MED13L: variants seen among roughly 807,000 people sequenced by gnomAD.
MED13L encodes the protein mediator complex subunit 13L.
MED13L carries 7 observed loss-of-function variants against 220.9 expected under a neutral mutation model. The ratio of observed to expected loss-of-function variants is 0.03; its 90% confidence interval spans 0.02 to 0.06. The LOEUF is 0.06. MED13L is among the 10% of genes least tolerant of loss of function. The probability of loss-of-function intolerance (pLI) is 1.00; values close to 1 mark genes in which losing one functional copy is unlikely to be tolerated. For missense variants in MED13L, 1,965 were observed against 2,760.5 expected (o/e 0.71, Z 6.46); for synonymous variants, 1,011 against 1,015.2 (o/e 1.00, Z 0.08).
In MED13L at chr12:116,277,625, CA is replaced by C. The variant is rs1873996942; in HGVS notation, c.-495del. 2.0e-5 allele frequency among the ~76,000 whole-genome samples: 3 copies of C among 149,544 alleles called. No homozygotes were observed. Among genetic ancestry groups the C allele is most frequent in the African/African-American group, 7.3e-5 (3 of 41,146 alleles). On this transcript the variant is annotated 5_prime_UTR_variant, in exon 1 of 31. Transcript: ENST00000281928. The stretch of plus-strand genomic sequence containing the variant: ...CGTCCCCTCCTTCCTCTTCCTCCCC[CA>C]CCCCCCCCTCCTCCCCAGTCAGCCT...
chr12:116,111,627 T>C, intron 2 of MED13L, 115 bp from the exon 3 acceptor site: 2 of 756,490 alleles, frequency 2.6e-6, no homozygotes, highest in Non-Finnish European at 4.3e-6. Context: ...TTAAATGACT[T>C]AAATAATCTC....
chr12:116,271,672 G>T (rs928653816), intron 1 of MED13L, among the ~76,000 whole-genome samples: 1 of 151,632 alleles, frequency 6.6e-6, no homozygotes, highest in Non-Finnish European at 1.5e-5. Flanking sequence ...AAATTCTGGT[G>T]GCCAACATCA....
chr12:115,967,926 T>C (rs1474435367), intron 28 of MED13L, among the ~76,000 whole-genome samples: 1 of 151,948 alleles, frequency 6.6e-6, no homozygotes, highest in Non-Finnish European at 1.5e-5. Context: ...AAGAGGGTAA[T>C]AGGGGCAGGT....
intron 2 of MED13L, among the ~76,000 whole-genome samples, chr12:116,187,617 G>A (rs1385833978): frequency 1.3e-5 from 2 of 152,120 alleles, no homozygotes; most frequent in South Asian, 2.1e-4. Flanking sequence ...ATGTACAAGA[G>A]TATATCCTAA....
In MED13L at chr12:116,008,602, T is replaced by C; in HGVS notation, c.1811A>G (p.Gln604Arg). 1 of 1,614,090 alleles carries C rather than the reference T, an allele frequency of 6.2e-7. No homozygotes were observed. Among genetic ancestry groups the C allele is most frequent in the Non-Finnish European group, 8.5e-7 (1 of 1,179,992 alleles). The change falls in exon 10 of 31, where the codon CAA (glutamine) becomes CGA (arginine). Residue 604 changes from glutamine (Q) to arginine (R), a missense_variant. Transcript: ENST00000281928. ...GACCTCTGCCATGAGAGGCAGTCTT[T>C]GGCCTACGAGGACAGTTCTGTCATC... The part of the protein sequence containing the change: ...TLDDRTVLVG[Q>R]RLPLMAEVSE...
chr12:116,142,862 T>C lies in MED13L; in HGVS notation c.311-31350A>G, dbSNP rs1877198256. The stretch of plus-strand genomic sequence containing the variant: ...CATTATAATATGATGGAATTATACG[T>C]TTAAAATTTAAAACTATTCTTACAG... On this transcript the variant is annotated intron_variant, in intron 2 of 30. Coordinates refer to ENST00000281928, the MANE Select transcript of MED13L (RefSeq NM_015335.5). Among the ~76,000 whole-genome samples, 6 of 152,338 alleles carry C rather than the reference T, an allele frequency of 3.9e-5. No individual in the cohort carries two copies. In the South Asian group the frequency reaches 1.2e-3, roughly 32 times the overall value.
intron 8 of MED13L, 146 bp from the exon 9 acceptor site, chr12:116,013,047 C>T: frequency 5.8e-6 from 4 of 684,326 alleles, no homozygotes; most frequent in South Asian, 4.7e-5. Flanking sequence ...AATAAAACAA[C>T]CTGTTTTATG....
chr12:116,260,740 A>G (rs1339118185), intron 1 of MED13L, among the ~76,000 whole-genome samples: 1 of 152,190 alleles, frequency 6.6e-6, no homozygotes, highest in Admixed American at 6.5e-5. Flanking sequence ...GGCCATTTCC[A>G]CAAAGGCATG....
chr12:116,008,541 C>T lies in MED13L; in HGVS notation c.1872G>A (p.Ser624=), dbSNP rs1304593032. 11 of 1,613,898 alleles carry T rather than the reference C, an allele frequency of 6.8e-6. No homozygotes were observed. The highest frequency in any genetic ancestry group is 3.3e-5 in the Admixed American group (2 of 60,000). ...ETALYCGIRP[S]NPESSEKWWH... is the part of the protein sequence containing the mutation. ...ACCACTTTTCTGATGACTCCGGGTTCGAGGGCCTAATCCCACAATATAAGG... is the reference window on the plus strand; with the variant it reads ...ACCACTTTTCTGATGACTCCGGGTTTGAGGGCCTAATCCCACAATATAAGG... The change falls in exon 10 of 31, where the codon TCG becomes TCA. Residue 624 remains serine, a synonymous_variant. Transcript: ENST00000281928.
intron 2 of MED13L, among the ~76,000 whole-genome samples, chr12:116,142,713 G>T (rs1877182499): frequency 6.6e-6 from 1 of 151,668 alleles, no homozygotes; most frequent in African/African-American, 2.4e-5. Context: ...AAAAAAAAAA[G>T]TTCACTTTAT....
In MED13L at chr12:116,170,750, G is replaced by A. The variant is rs190257733; in HGVS notation, c.311-59238C>T. On this transcript the variant is annotated intron_variant, in intron 2 of 30. Coordinates refer to ENST00000281928, the MANE Select transcript of MED13L (RefSeq NM_015335.5). ...TGAGTAGCTGGGATTACAGGTGCCC[G>A]CCACCATGCCTGGCTAATTTTTGTA... 7.4e-3 allele frequency among the ~76,000 whole-genome samples: 1,125 copies of A among 151,804 alleles called. 2 individuals carry two copies. The highest frequency in any genetic ancestry group is 0.012 in the Non-Finnish European group (817 of 67,912).
intron 2 of MED13L, among the ~76,000 whole-genome samples, chr12:116,204,318 C>CA (rs1882183740): frequency 1.3e-5 from 2 of 152,196 alleles, no homozygotes; most frequent in African/African-American, 4.8e-5. Flanking sequence ...GCTCAGGAGT[C>CA]AGGAGCTGCC....
intron 25 of MED13L, among the ~76,000 whole-genome samples, chr12:115,974,171 G>T (rs150573132): frequency 1.3e-5 from 2 of 152,122 alleles, no homozygotes; most frequent in Non-Finnish European, 2.9e-5. Flanking sequence ...GTCTAGAGCC[G>T]CTTTGACGTT....
chr12:116,206,127 C>T (rs1281336348), intron 2 of MED13L, among the ~76,000 whole-genome samples: 1 of 130,364 alleles, frequency 7.7e-6, no homozygotes, highest in Non-Finnish European at 1.5e-5. Flanking sequence ...GTCACCCAGG[C>T]TGGAGTACAG....
intron 2 of MED13L, among the ~76,000 whole-genome samples, chr12:116,218,336 T>A (rs889543192): frequency 4.6e-5 from 7 of 152,158 alleles, no homozygotes; most frequent in Non-Finnish European, 8.8e-5. Context: ...TCCTTCTAAA[T>A]ATAACAAAGT....
rs769644778 is a variant in MED13L at position 115,986,373 on chromosome 12, G to C, written c.4231C>G (p.Pro1411Ala). ...GCAACATCACGGTGGCCCCCATATGGGTCCAACAAGAGCCTCTCCCAAAAC... is the reference window on the plus strand; with the variant it reads ...GCAACATCACGGTGGCCCCCATATGCGTCCAACAAGAGCCTCTCCCAAAAC... ...LPFWERLLLDPYGGHRDVAYI... is the reference protein window; with the variant it reads ...LPFWERLLLDAYGGHRDVAYI... Residue 1411 changes from proline to alanine, a missense_variant, in exon 19 of 31, where the codon CCA becomes GCA. Pro to Ala is a conservative substitution (Grantham distance 27, BLOSUM62 -1). Transcript: ENST00000281928. The C allele has an allele frequency of 1.9e-6, 3 of 1,613,946 alleles. No homozygotes were observed. The highest frequency in any genetic ancestry group is 3.3e-5 in the Admixed American group (2 of 59,992).
chr12:116,150,990 G>C (rs954362246), intron 2 of MED13L, among the ~76,000 whole-genome samples: 2 of 152,050 alleles, frequency 1.3e-5, no homozygotes, highest in Non-Finnish European at 2.9e-5. Context: ...TCGTGTGGAT[G>C]CCCCTACTAC....
intron 4 of MED13L, among the ~76,000 whole-genome samples, chr12:116,023,410 G>A (rs1592957617): frequency 6.6e-6 from 1 of 152,134 alleles, no homozygotes. Flanking sequence ...AAAACATCTC[G>A]TAAGAACATT....
chr12:116,274,669 T>A (rs925297177), intron 1 of MED13L, among the ~76,000 whole-genome samples: 2 of 152,102 alleles, frequency 1.3e-5, no homozygotes, highest in East Asian at 3.9e-4. Context: ...GCAGTTTAAT[T>A]AATTTACATT....
Sources: gnomAD v4.1 joint callset for allele counts (sites outside exome capture counted in the v4.1 genomes callset) on GRCh38, gnomAD v4.1.1 for gene constraint, MANE v1.5 for transcripts, NCBI Gene and HGNC (gene_info 2026-07-23, HGNC 2026-07-21) for gene names.